MYO16: variants seen among roughly 807,000 people sequenced by gnomAD.
MYO16 encodes the protein myosin XVI.
Under a neutral mutation model 205.3 loss-of-function variants are expected in MYO16, and 94 were observed. That is an observed-to-expected ratio of 0.46 (90% CI 0.39 to 0.54). MYO16 has a LOEUF of 0.54. Ranked by LOEUF, MYO16 falls within the 20% of genes least tolerant of loss-of-function variation. The pLI, the probability that MYO16 is intolerant of heterozygous loss-of-function variation, is 0.00. For synonymous variants in MYO16, 988 were observed against 954.0 expected (o/e 1.04, Z -0.66); for missense variants, 2,315 against 2,387.5 (o/e 0.97, Z 0.63).
the MYO16 span, among the ~76,000 whole-genome samples, chr13:108,562,431 A>G: frequency 6.6e-6 from 1 of 152,226 alleles, no homozygotes; most frequent in Admixed American, 6.5e-5. Flanking sequence ...ATGTAGGAAG[A>G]GTAGAAAAAG....
At chr13:108,504,415 C>T in the MYO16 span, among the ~76,000 whole-genome samples, 1 of 152,118 alleles carries the variant, frequency 6.6e-6, no homozygotes, top group East Asian at 1.9e-4. Flanking sequence ...GCGTGAGCCA[C>T]CACGCCCAGC....
At chr13:108,908,987 A>AATAAAT (rs1881131192) in intron 15 of MYO16, among the ~76,000 whole-genome samples, 1 of 148,840 alleles carries the variant, frequency 6.7e-6, no homozygotes, top group Admixed American at 6.8e-5. Flanking sequence ...AAAATAAAAT[A>AATAAAT]AAATAAATAA....
upstream of MYO16, among the ~76,000 whole-genome samples, chr13:108,591,941 A>G (rs1356438326): frequency 2.6e-5 from 4 of 152,040 alleles, no homozygotes; most frequent in African/African-American, 9.7e-5. Context: ...GAGACTAAGC[A>G]ACTAACTTGC....
intron 2 of MYO16, among the ~76,000 whole-genome samples, chr13:108,712,080 G>A (rs1293480374): frequency 2.6e-5 from 4 of 152,282 alleles, no homozygotes; most frequent in African/African-American, 9.6e-5. Flanking sequence ...GGAAATACAG[G>A]TCACCTTTCA....
intron 16 of MYO16, among the ~76,000 whole-genome samples, chr13:108,916,679 T>C (rs1406873411): frequency 6.6e-6 from 1 of 152,084 alleles, no homozygotes. Flanking sequence ...ATTATATGAG[T>C]GTTAGACTAC....
chr13:108,551,426 C>T, the MYO16 span, among the ~76,000 whole-genome samples: 1 of 152,204 alleles, frequency 6.6e-6, no homozygotes, highest in Non-Finnish European at 1.5e-5. Context: ...TTATTTCTCA[C>T]ATTACCTTGA....
chr13:108,916,523 A>G (rs996988854), intron 16 of MYO16, among the ~76,000 whole-genome samples: 1 of 152,244 alleles, frequency 6.6e-6, no homozygotes, highest in African/African-American at 2.4e-5. Context: ...TGCATTGCTG[A>G]AGCAAAACTA....
intron 12 of MYO16, among the ~76,000 whole-genome samples, chr13:108,872,772 TAAAAATG>T (rs1879131256): frequency 1.3e-5 from 2 of 151,986 alleles, no homozygotes; most frequent in South Asian, 4.2e-4. Context: ...TGTCATAAAA[TAAAAATG>T]GAAAATAAAT....
chr13:108,757,582 A>T (rs1391316594), intron 4 of MYO16, among the ~76,000 whole-genome samples: 70 of 151,852 alleles, frequency 4.6e-4, no homozygotes, highest in Non-Finnish European at 1.5e-5. Flanking sequence ...GCACCCAGTA[A>T]CTCGTCATTT....
chr13:108,689,719 A>G (rs1276495185), intron 2 of MYO16, among the ~76,000 whole-genome samples: 1 of 152,206 alleles, frequency 6.6e-6, no homozygotes, highest in Non-Finnish European at 1.5e-5. Context: ...AGATAAAAAA[A>G]AAAATAGCAG....
chr13:108,968,031 T>C (rs1306945118), intron 20 of MYO16, among the ~76,000 whole-genome samples: 1 of 152,230 alleles, frequency 6.6e-6, no homozygotes, highest in Admixed American at 6.5e-5. Context: ...TACATTTGTA[T>C]GCGAATGTCA....
intron 8 of MYO16, among the ~76,000 whole-genome samples, chr13:108,821,317 A>G (rs186430007): frequency 6.6e-6 from 1 of 152,266 alleles, no homozygotes; most frequent in Non-Finnish European, 1.5e-5. Flanking sequence ...ATTAAGTATC[A>G]TTGTCTAATG....
chr13:108,670,976 G>A (rs1040637733), intron 2 of MYO16, among the ~76,000 whole-genome samples: 2 of 152,124 alleles, frequency 1.3e-5, no homozygotes, highest in African/African-American at 4.8e-5. Context: ...ATTATGTATA[G>A]CAGTTTGTTT....
chr13:108,761,115 A>C (rs570377234), intron 4 of MYO16, among the ~76,000 whole-genome samples: 1 of 152,338 alleles, frequency 6.6e-6, no homozygotes, highest in East Asian at 1.9e-4. Context: ...TAAGGAAACC[A>C]ATAAATGAGA....
chr13:109,018,962 GT>G (rs766574271), intron 22 of MYO16, among the ~76,000 whole-genome samples: 108 of 141,026 alleles, frequency 7.7e-4, no homozygotes, highest in Middle Eastern at 3.7e-3. Context: ...GACATACTCT[GT>G]TTTTTTTTTT....
chr13:108,769,875 T>G (rs1885905429), intron 4 of MYO16, among the ~76,000 whole-genome samples: 1 of 152,200 alleles, frequency 6.6e-6, no homozygotes, highest in Non-Finnish European at 1.5e-5. Context: ...TTAAGCACCC[T>G]AATAATTTTA....
Position 109,127,424 on chromosome 13 carries a change from A to C in MYO16, c.3925A>C (p.Ser1309Arg). 1 of 1,614,098 alleles carries C rather than the reference A, an allele frequency of 6.2e-7. No individual in the cohort carries two copies. Among genetic ancestry groups the C allele is most frequent in the South Asian group, 1.1e-5 (1 of 91,062 alleles). The change falls in exon 31 of 35, where the codon AGC becomes CGC. Residue 1309 changes from serine (S) to arginine (R), a missense_variant. By Grantham distance (110) the Ser-to-Arg change is moderately radical. Transcript: ENST00000457511. This position sits in a 1 kb window ranked among gnomAD's most constrained non-coding sequence, Gnocchi z 4.2. Reference protein sequence around the residue: ...LHSVFSMDDSSSLPSPRKQPP... With the variant: ...LHSVFSMDDSRSLPSPRKQPP... ...CTCGGTGTTCAGCATGGATGACAGC[A>C]GCAGCCTCCCGTCTCCACGGAAACA...
Position 108,951,708 on chromosome 13 carries a change from G to A in MYO16, c.1926-5980G>A, listed in dbSNP as rs138926797. ...AGTATATAAATTAATAAACAATGGCGATGTAGACAGATTTCTGGTGAGGAA... is the reference window on the plus strand; with the variant it reads ...AGTATATAAATTAATAAACAATGGCAATGTAGACAGATTTCTGGTGAGGAA... On this transcript the variant is annotated intron_variant, in intron 16 of 34. Coordinates refer to ENST00000457511, the MANE Select transcript of MYO16 (RefSeq NM_001198950.3). Among the ~76,000 whole-genome samples the A allele has an allele frequency of 1.6e-3, 239 of 152,290 alleles. 1 individual carries two copies. Among genetic ancestry groups the A allele is most frequent in the South Asian group, 5.6e-3 (27 of 4,826 alleles).
rs112011251 is a variant in MYO16 at position 109,186,609 on chromosome 13, A to AACAC, written c.5415+6996_5415+6999dup. Reference sequence around the variant, plus strand: ...TGGCCAGTGCCTCTATAAGCTTTTCAACACACACACACACACACACACAAA... The same window carrying AACAC: ...TGGCCAGTGCCTCTATAAGCTTTTCAACACACACACACACACACACACACACAAA... On this transcript the variant is annotated intron_variant, in intron 34 of 34. Coordinates refer to ENST00000457511, the MANE Select transcript of MYO16 (RefSeq NM_001198950.3). Among the ~76,000 whole-genome samples, 450 of 149,572 alleles carry AACAC rather than the reference A, an allele frequency of 3.0e-3. 8 individuals carry two copies. The South Asian group carries it at 0.04, about 13-fold the overall frequency.
Sources: gnomAD v4.1 joint callset for allele counts (sites outside exome capture counted in the v4.1 genomes callset) on GRCh38, gnomAD v4.1.1 for gene constraint, Gnocchi (gnomAD v3.1) non-coding constraint, MANE v1.5 for transcripts, NCBI Gene and HGNC (gene_info 2026-07-23, HGNC 2026-07-21) for gene names.